TYW1B: variants seen among roughly 807,000 people sequenced by gnomAD.
The protein encoded by TYW1B is S-adenosyl-L-methionine-dependent tRNA 4-demethylwyosine synthase TYW1B.
A neutral mutation model predicts 86.9 loss-of-function variants in TYW1B; 73 were observed. That is an observed-to-expected ratio of 0.84 (90% CI 0.70 to 1.02). TYW1B has a LOEUF of 1.02. Among genes scored for constraint, TYW1B ranks in the 50% least tolerant of loss-of-function variants. TYW1B has a pLI of 0.00. For missense variants in TYW1B, 637 were observed against 827.4 expected (o/e 0.77, Z 2.82); for synonymous variants, 248 against 292.8 (o/e 0.85, Z 1.56).
chr7:72,718,096 GGATA>G (rs1346233641), intron 9 of TYW1B, among the ~76,000 whole-genome samples: 1 of 152,096 alleles, frequency 6.6e-6, no homozygotes, highest in Non-Finnish European at 1.5e-5. Context: ...ATGGTTGACT[GGATA>G]AAGAAAATAT....
At chr7:72,632,463 A>G (rs191995404) in intron 11 of TYW1B, among the ~76,000 whole-genome samples, 2,228 of 109,672 alleles carry the variant, frequency 0.02, 32 homozygotes, top group African/African-American at 0.048. Context: ...ATATATATAC[A>G]TATATATATA....
At chr7:72,651,483 C>A (rs59749972) in intron 11 of TYW1B, among the ~76,000 whole-genome samples, 2 of 125,552 alleles carry the variant, frequency 1.6e-5, no homozygotes, top group Admixed American at 1.6e-4. Flanking sequence ...CTGGGCATGG[C>A]GGGCACCTAT....
chr7:72,632,359 A>ACG (rs1554439995), intron 11 of TYW1B, among the ~76,000 whole-genome samples: 2 of 120,654 alleles, frequency 1.7e-5, no homozygotes, highest in South Asian at 4.6e-4. Context: ...TATATATTAT[A>ACG]TATATACGCA....
intron 2 of TYW1B, among the ~76,000 whole-genome samples, chr7:72,826,435 A>G (rs1788930055): frequency 6.6e-6 from 1 of 152,208 alleles, no homozygotes; most frequent in Non-Finnish European, 1.5e-5. Context: ...GGCAGGACCC[A>G]CATTTTTAAG....
chr7:72,814,567 G>A (rs1586005490), intron 3 of TYW1B, among the ~76,000 whole-genome samples: 1 of 151,580 alleles, frequency 6.6e-6, no homozygotes, highest in East Asian at 2.0e-4. Flanking sequence ...CTGGGTGACA[G>A]AGCGAGACTC....
At chr7:72,686,408 G>C (rs13227524) in intron 11 of TYW1B, among the ~76,000 whole-genome samples, 8 of 152,200 alleles carry the variant, frequency 5.3e-5, no homozygotes, top group Non-Finnish European at 1.2e-4. Flanking sequence ...AAAACACATG[G>C]AAGGAACCTT....
At chr7:72,781,478 A>G (rs1271648510) in intron 6 of TYW1B, among the ~76,000 whole-genome samples, 1 of 152,094 alleles carries the variant, frequency 6.6e-6, no homozygotes, top group Non-Finnish European at 1.5e-5. Context: ...CAGCTCAGGG[A>G]GACAGATTTG....
chr7:72,711,102 T>C (rs751208786), intron 10 of TYW1B, among the ~76,000 whole-genome samples: 52 of 152,186 alleles, frequency 3.4e-4, no homozygotes, highest in Non-Finnish European at 6.6e-4. Flanking sequence ...GGGAAAAGTC[T>C]CTTGGGTAAC....
At chr7:72,599,141 A>C (rs1372548485) in intron 13 of TYW1B, among the ~76,000 whole-genome samples, 6 of 152,364 alleles carry the variant, frequency 3.9e-5, no homozygotes, top group Admixed American at 6.5e-5. Flanking sequence ...AATCAATAAA[A>C]TGTTAGCAAA....
chr7:72,792,899 A>C (rs1274121438), intron 6 of TYW1B, among the ~76,000 whole-genome samples: 1 of 152,216 alleles, frequency 6.6e-6, no homozygotes, highest in African/African-American at 2.4e-5. Context: ...ATTATACCAA[A>C]ACAAATGTGT....
At position 72,754,611 on chromosome 7, in the gene TYW1B, T is replaced by C. The variant is rs1787556184; in HGVS notation, c.965-10010A>G. 3.3e-5 allele frequency among the ~76,000 whole-genome samples: 5 copies of C among 152,200 alleles called. No individual in the cohort carries two copies. The South Asian group carries it at 1.0e-3, about 32-fold the overall frequency. On this transcript the variant is annotated intron_variant, in intron 7 of 13. Coordinates refer to ENST00000620995, the MANE Select transcript of TYW1B (RefSeq NM_001145440.3). ...TGCCACCATGTCTGGCTAATTTTTA[T>C]GTTTTTTGAAGAGATGGGGTTTCAT... is the stretch of plus-strand genomic sequence containing the variant.
At chr7:72,797,791 G>A (rs7780415) in intron 6 of TYW1B, among the ~76,000 whole-genome samples, 104,347 of 151,938 alleles carry the variant, frequency 0.69, 36,766 homozygotes, top group Non-Finnish European at 0.77. Context: ...GAGTCATTCC[G>A]GCAGAAAAGT....
chr7:72,669,550 G>A (rs1447030723), intron 11 of TYW1B, among the ~76,000 whole-genome samples: 1 of 151,952 alleles, frequency 6.6e-6, no homozygotes, highest in Non-Finnish European at 1.5e-5. Flanking sequence ...CAGATCATTT[G>A]AGGCCAGTTG....
At chr7:72,734,320 T>C (rs1554460520) in intron 8 of TYW1B, among the ~76,000 whole-genome samples, 1 of 140,660 alleles carries the variant, frequency 7.1e-6, no homozygotes, top group East Asian at 2.0e-4. Context: ...ATGGTATTGA[T>C]ATAAGAACAG....
At chr7:72,787,579 T>C (rs1398108698) in intron 6 of TYW1B, among the ~76,000 whole-genome samples, 1 of 151,808 alleles carries the variant, frequency 6.6e-6, no homozygotes, top group East Asian at 1.9e-4. Context: ...AAGACCATCC[T>C]GGCCAACACG....
At chr7:72,767,441 T>C (rs1254237435) in intron 7 of TYW1B, among the ~76,000 whole-genome samples, 1 of 150,582 alleles carries the variant, frequency 6.6e-6, no homozygotes, top group Admixed American at 6.6e-5. Context: ...CCATCTCTAC[T>C]AAAAATACAA....
At chr7:72,610,914 A>G (rs1811919430) in intron 13 of TYW1B, among the ~76,000 whole-genome samples, 1 of 152,136 alleles carries the variant, frequency 6.6e-6, no homozygotes, top group Non-Finnish European at 1.5e-5. Flanking sequence ...GTGCCTCCCC[A>G]TGCCCTTTAG....
At chr7:72,778,089 T>A (rs1787988644) in intron 6 of TYW1B, among the ~76,000 whole-genome samples, 1 of 151,988 alleles carries the variant, frequency 6.6e-6, no homozygotes, top group Non-Finnish European at 1.5e-5. Flanking sequence ...AACATACACA[T>A]CCAAAAACCA....
chr7:72,757,011 G>A (rs958893452), intron 7 of TYW1B, among the ~76,000 whole-genome samples: 50 of 152,040 alleles, frequency 3.3e-4, no homozygotes, highest in Non-Finnish European at 7.4e-5. Context: ...AGGAGAAATC[G>A]GAACCCTCAT....
Sources: allele counts gnomAD v4.1 joint callset (sites outside exome capture counted in the v4.1 genomes callset), GRCh38; gene constraint gnomAD v4.1.1; transcripts MANE v1.5; gene names NCBI Gene and HGNC (gene_info 2026-07-23, HGNC 2026-07-21).